The following RAB38 variants were observed in gnomAD, a reference collection of about 807,000 sequenced individuals.
RAB38 encodes the protein RAB38, member RAS oncogene family.
RAB38 carries 15 observed loss-of-function variants against 18.4 expected under a neutral mutation model. The ratio of observed to expected loss-of-function variants is 0.82; its 90% CI spans 0.55 to 1.26. The LOEUF is 1.26. RAB38 is among the 50% of genes most tolerant of loss of function. The pLI is 0.00. For missense variants in RAB38, 294 were observed against 267.4 expected, an observed-to-expected ratio of 1.10 and a Z score of -0.69; for synonymous variants, 101 against 104.4, an observed-to-expected ratio of 0.97 and a Z score of 0.20.
the RAB38 span, among the ~76,000 whole-genome samples, chr11:88,104,404 T>A: frequency 3.3e-5 from 5 of 152,096 alleles, no homozygotes; most frequent in African/African-American, 1.2e-4. Context: ...TATGGTCATA[T>A]GAAAATATGG....
chr11:88,122,750 T>C (rs1252132945), intron 2 of RAB38, among the ~76,000 whole-genome samples: 1 of 152,256 alleles, frequency 6.6e-6, no homozygotes. Flanking sequence ...GTGCTATCTA[T>C]GGTAGAAATT....
the RAB38 span, among the ~76,000 whole-genome samples, chr11:88,061,398 C>A: frequency 6.6e-6 from 1 of 152,120 alleles, no homozygotes; most frequent in Non-Finnish European, 1.5e-5. Flanking sequence ...CAGTGCTGAG[C>A]AAAATGAGAA....
At chr11:87,956,073 C>T in the RAB38 span, among the ~76,000 whole-genome samples, 1 of 151,264 alleles carries the variant, frequency 6.6e-6, no homozygotes, top group African/African-American at 2.4e-5. Context: ...CATATATTTT[C>T]TGAGCTAATA....
At chr11:87,954,365 T>C in the RAB38 span, among the ~76,000 whole-genome samples, 8 of 152,274 alleles carry the variant, frequency 5.3e-5, no homozygotes, top group African/African-American at 1.9e-4. Flanking sequence ...TCCCTTGAGT[T>C]TGGAAATGTT....
chr11:87,961,093 A>C, the RAB38 span, among the ~76,000 whole-genome samples: 2 of 152,050 alleles, frequency 1.3e-5, no homozygotes, highest in Admixed American at 1.3e-4. Flanking sequence ...AATAAAATAA[A>C]ATTTTCAAGT....
chr11:88,091,148 A>G, the RAB38 span, among the ~76,000 whole-genome samples: 1 of 152,004 alleles, frequency 6.6e-6, no homozygotes, highest in East Asian at 1.9e-4. Context: ...CCACCTAGCC[A>G]GAAGTTTTAT....
At chr11:88,077,023 G>GAA in the RAB38 span, among the ~76,000 whole-genome samples, 2 of 111,110 alleles carry the variant, frequency 1.8e-5, no homozygotes, top group Admixed American at 8.9e-5. Flanking sequence ...GAAAAGAAAA[G>GAA]AAAAGAAAGA....
chr11:87,827,203 A>C, the RAB38 span, among the ~76,000 whole-genome samples: 3 of 152,182 alleles, frequency 2.0e-5, no homozygotes, highest in Admixed American at 2.0e-4. Flanking sequence ...ATATGATAAC[A>C]AATATAAATA....
the RAB38 span, among the ~76,000 whole-genome samples, chr11:87,947,519 C>T: frequency 2.6e-5 from 4 of 152,040 alleles, no homozygotes; most frequent in South Asian, 2.1e-4. Flanking sequence ...TTTATGGTTT[C>T]AGGTCTAACA....
chr11:87,958,417 CAAGCT>C, the RAB38 span, among the ~76,000 whole-genome samples: 1 of 152,146 alleles, frequency 6.6e-6, no homozygotes, highest in Admixed American at 6.6e-5. Flanking sequence ...TAAGGAGATC[CAAGCT>C]AAGAAAGTCT....
the RAB38 span, among the ~76,000 whole-genome samples, chr11:88,077,712 C>T: frequency 6.6e-6 from 1 of 152,066 alleles, no homozygotes; most frequent in African/African-American, 2.4e-5. Context: ...TACTTCAGGA[C>T]ATAGATATTG....
the RAB38 span, among the ~76,000 whole-genome samples, chr11:88,056,705 G>A: frequency 6.6e-6 from 1 of 152,212 alleles, no homozygotes; most frequent in East Asian, 1.9e-4. Flanking sequence ...TCGGAAGGCT[G>A]AGGCAGGAGA....
the RAB38 span, among the ~76,000 whole-genome samples, chr11:88,026,742 G>A: frequency 6.6e-6 from 1 of 151,970 alleles, no homozygotes; most frequent in Non-Finnish European, 1.5e-5. Context: ...AGTAAATGCA[G>A]AAGTTTTCAA....
chr11:87,946,535 C>A, the RAB38 span, among the ~76,000 whole-genome samples: 1 of 152,076 alleles, frequency 6.6e-6, no homozygotes, highest in African/African-American at 2.4e-5. Context: ...TGCTATCCCT[C>A]CCCCCTCGCC....
At chr11:87,851,384 A>G in the RAB38 span, among the ~76,000 whole-genome samples, 515 of 152,298 alleles carry the variant, frequency 3.4e-3, 12 homozygotes, top group East Asian at 3.1e-3. Context: ...AATAAAAATG[A>G]GTCACAAGTT....
chr11:88,149,666 T>C lies in RAB38; in HGVS notation c.483+9A>G. On this transcript the variant is annotated intron_variant, in intron 2 of 2. Coordinates refer to ENST00000243662, the MANE Select transcript of RAB38 (RefSeq NM_022337.3). ...CTTATATTAAGCTTATTATTTAAAG[T>C]CACATTACCTTTGCTGATGTTTCAA... is the stretch of plus-strand genomic sequence containing the variant. The C allele has an allele frequency of 6.3e-7, 1 of 1,597,172 alleles. No homozygotes were observed. Among genetic ancestry groups the C allele is most frequent in the Middle Eastern group, 1.7e-4 (1 of 5,984 alleles).
the RAB38 span, among the ~76,000 whole-genome samples, chr11:88,070,044 A>C: frequency 3.3e-5 from 5 of 152,194 alleles, no homozygotes; most frequent in Non-Finnish European, 7.3e-5. Flanking sequence ...CAGCAGAGGC[A>C]ACCTGCTCTG....
the RAB38 span, among the ~76,000 whole-genome samples, chr11:87,925,813 AGT>A: frequency 6.6e-6 from 1 of 152,052 alleles, no homozygotes; most frequent in South Asian, 2.1e-4. Context: ...GCTTCTTATA[AGT>A]GGCATTTAAG....
At chr11:88,121,586 G>A (rs968132369) in intron 2 of RAB38, among the ~76,000 whole-genome samples, 1 of 150,998 alleles carries the variant, frequency 6.6e-6, no homozygotes, top group Admixed American at 6.6e-5. Context: ...TTTGTGAGAC[G>A]GAGCCTCGCT....
Sources: allele counts gnomAD v4.1 joint callset (sites outside exome capture counted in the v4.1 genomes callset), GRCh38; gene constraint gnomAD v4.1.1; transcripts MANE v1.5; gene names NCBI Gene and HGNC (gene_info 2026-07-23, HGNC 2026-07-21).